TBXAS1: variants seen among roughly 807,000 people sequenced by gnomAD.
TBXAS1 encodes the protein thromboxane-A synthase.
In TBXAS1, 48 loss-of-function variants were observed where a neutral mutation model predicts 60.7. The ratio of observed to expected loss-of-function variants is 0.79; its 90% CI spans 0.63 to 1.01. The LOEUF is 1.01. Among genes scored for constraint, TBXAS1 ranks in the 50% least tolerant of loss-of-function variants. The pLI is 0.00. For synonymous variants in TBXAS1, 287 were observed against 269.7 expected, an observed-to-expected ratio of 1.06 and a Z score of -0.63; for missense variants, 685 against 686.3, an observed-to-expected ratio of 1.00 and a Z score of 0.02.
intron 3 of TBXAS1, among the ~76,000 whole-genome samples, chr7:139,877,596 T>C (rs977353094): frequency 4.6e-5 from 7 of 152,102 alleles, no homozygotes; most frequent in African/African-American, 1.7e-4. Flanking sequence ...CTAATTTTTG[T>C]ATTCTTAGTA....
At chr7:139,997,517 A>G (rs925746698) in intron 9 of TBXAS1, among the ~76,000 whole-genome samples, 23 of 152,134 alleles carry the variant, frequency 1.5e-4, no homozygotes, top group African/African-American at 5.6e-4. Flanking sequence ...AATTTTTAAA[A>G]ATTAGGTAAT....
At chr7:140,016,246 T>C (rs1004198797) in intron 11 of TBXAS1, 7 of 341,120 alleles carry the variant, frequency 2.1e-5, no homozygotes, top group Non-Finnish European at 3.3e-5. Context: ...GAGAATGGCG[T>C]GAACCCAGGA....
At chr7:139,875,487 A>G (rs1802157310) in intron 2 of TBXAS1, 98 bp from the exon 3 acceptor site, 1 of 967,830 alleles carries the variant, frequency 1.0e-6, no homozygotes, top group Non-Finnish European at 1.7e-6. Flanking sequence ...TTGTTTCTGT[A>G]ATTGTATTCT....
At chr7:140,010,909 G>A (rs541596463) in intron 10 of TBXAS1, among the ~76,000 whole-genome samples, 1 of 150,810 alleles carries the variant, frequency 6.6e-6, no homozygotes, top group Admixed American at 6.6e-5. Flanking sequence ...ATCCAGCATA[G>A]AATTATTTTG....
intron 4 of TBXAS1, among the ~76,000 whole-genome samples, chr7:139,919,839 C>A (rs1286308829): frequency 6.6e-6 from 1 of 152,152 alleles, no homozygotes; most frequent in Non-Finnish European, 1.5e-5. Flanking sequence ...TGGAGAATGA[C>A]CCAAGAGTTG....
chr7:139,987,542 G>A (rs773944285), intron 9 of TBXAS1, among the ~76,000 whole-genome samples: 1 of 152,086 alleles, frequency 6.6e-6, no homozygotes, highest in South Asian at 2.1e-4. Flanking sequence ...GCAGGAGCAC[G>A]CAGGACTAAA....
intron 9 of TBXAS1, among the ~76,000 whole-genome samples, chr7:140,005,279 G>T (rs1226889853): frequency 6.6e-6 from 1 of 152,018 alleles, no homozygotes; most frequent in Non-Finnish European, 1.5e-5. Context: ...AAATACAAAA[G>T]TTAGCCAGGC....
In TBXAS1 at chr7:139,829,334, C is replaced by G; in HGVS notation, c.-57C>G. 1 of 1,544,624 alleles carries G rather than the reference C, an allele frequency of 6.5e-7. No individual in the cohort carries two copies. Among genetic ancestry groups the G allele is most frequent in the Non-Finnish European group, 8.9e-7 (1 of 1,124,972 alleles). On this transcript the variant is annotated 5_prime_UTR_variant, in exon 1 of 13. Coordinates refer to ENST00000448866, the MANE Select transcript of TBXAS1 (RefSeq NM_001061.7). The stretch of plus-strand genomic sequence containing the variant: ...CAGAGCACGGTTCCCATAAGGGCGG[C>G]GAGATCAGCCTCCTGTCTCATCTGG...
chr7:139,990,307 G>A (rs969328729), intron 9 of TBXAS1, among the ~76,000 whole-genome samples: 1 of 152,204 alleles, frequency 6.6e-6, no homozygotes, highest in Non-Finnish European at 1.5e-5. Context: ...GGGCGCATTC[G>A]CCCCAGCGCA....
intron 9 of TBXAS1, among the ~76,000 whole-genome samples, 172 bp from the exon 10 acceptor site, chr7:140,006,919 C>T (rs75894085): frequency 1.4e-3 from 207 of 152,320 alleles, no homozygotes; most frequent in African/African-American, 4.8e-3. Context: ...CACAATAGAA[C>T]CACTGAGCGC....
rs1303770416 is a variant in TBXAS1 at position 139,916,366 on chromosome 7, G to A, written c.333+5045G>A. ...TCAAAACACTAAGCCTAGTGCTTTGGAGATGTGGGTTCTGGTCTGGAGTGG... is the reference window on the plus strand; with the variant it reads ...TCAAAACACTAAGCCTAGTGCTTTGAAGATGTGGGTTCTGGTCTGGAGTGG... On this transcript the variant is annotated intron_variant, in intron 4 of 12. Coordinates refer to ENST00000448866, the MANE Select transcript of TBXAS1 (RefSeq NM_001061.7). This position sits in a 1 kb window ranked among gnomAD's most constrained non-coding sequence, Gnocchi z 4.2. Among the ~76,000 whole-genome samples the A allele has an allele frequency of 1.3e-5, 2 of 152,156 alleles. No homozygotes were observed. The highest frequency in any genetic ancestry group is 4.8e-5 in the African/African-American group (2 of 41,432).
intron 4 of TBXAS1, among the ~76,000 whole-genome samples, chr7:139,922,518 G>A (rs1806563687): frequency 6.6e-6 from 1 of 152,026 alleles, no homozygotes; most frequent in African/African-American, 2.4e-5. Flanking sequence ...TTTTCTGATT[G>A]ACTTGTTTTT....
intron 6 of TBXAS1, among the ~76,000 whole-genome samples, chr7:139,954,098 C>T (rs1809650932): frequency 6.6e-6 from 1 of 151,956 alleles, no homozygotes; most frequent in African/African-American, 2.4e-5. Context: ...CCAACGTGGC[C>T]CAGGCAAGCC....
At chr7:139,908,532 T>C (rs1215745196) in intron 3 of TBXAS1, among the ~76,000 whole-genome samples, 1 of 152,190 alleles carries the variant, frequency 6.6e-6, no homozygotes, top group African/African-American at 2.4e-5. Flanking sequence ...ATATATAATT[T>C]ATCACAATCT....
intron 1 of TBXAS1, among the ~76,000 whole-genome samples, chr7:139,870,877 C>T (rs927110260): frequency 6.6e-6 from 1 of 152,140 alleles, no homozygotes; most frequent in African/African-American, 2.4e-5. Flanking sequence ...CCGCTTGAGG[C>T]CAGGAGTTAA....
intron 4 of TBXAS1, among the ~76,000 whole-genome samples, chr7:139,803,108 G>GTT (rs2116364205): frequency 1.3e-5 from 2 of 152,342 alleles, no homozygotes; most frequent in South Asian, 4.1e-4. Context: ...GTAACAGACA[G>GTT]AGGTTGGAAC....
chr7:139,942,413 G>C (rs75990081), intron 5 of TBXAS1, among the ~76,000 whole-genome samples: 2,153 of 152,324 alleles, frequency 0.014, 47 homozygotes, highest in African/African-American at 0.05. Context: ...TGAGAGAAAT[G>C]AGTCTCTTGA....
In TBXAS1 at chr7:139,926,994, T is replaced by C. The variant is rs1806934760; in HGVS notation, c.334-9197T>C. ...TAGGGTTTCTTTTTTTTGTTTTTTG[T>C]TTGTTTGTTTTTTGTTTCTTGAGAC... is the stretch of plus-strand genomic sequence containing the variant. On this transcript the variant is annotated intron_variant, in intron 4 of 12. Coordinates refer to ENST00000448866, the MANE Select transcript of TBXAS1 (RefSeq NM_001061.7). Among the ~76,000 whole-genome samples the C allele has an allele frequency of 3.9e-5, 6 of 151,948 alleles. No homozygotes were observed. In the South Asian group the frequency reaches 1.2e-3, roughly 32 times the overall value.
intron 9 of TBXAS1, among the ~76,000 whole-genome samples, chr7:139,981,961 A>T (rs971024612): frequency 1.3e-5 from 2 of 152,242 alleles, no homozygotes; most frequent in Non-Finnish European, 2.9e-5. Flanking sequence ...GCATAATACA[A>T]TACAGCTGTT....
Sources: gnomAD v4.1 joint callset for allele counts (sites outside exome capture counted in the v4.1 genomes callset) on GRCh38, gnomAD v4.1.1 for gene constraint, Gnocchi (gnomAD v3.1) non-coding constraint, MANE v1.5 for transcripts, NCBI Gene and HGNC (gene_info 2026-07-23, HGNC 2026-07-21) for gene names.